The following SH3D21 variants were observed in gnomAD, a reference collection of about 807,000 sequenced individuals.
The protein encoded by SH3D21 is manchette microtubule inner protein 1.
In SH3D21, 83 loss-of-function variants were observed where a neutral mutation model predicts 82.1. The ratio of observed to expected loss-of-function variants is 1.01; its 90% CI spans 0.85 to 1.21. The LOEUF (loss-of-function observed/expected upper bound fraction) is 1.21, where lower values mean the gene tolerates loss of function less well. Ranked by LOEUF, SH3D21 falls within the 50% of genes most tolerant of loss-of-function variation. The pLI, the probability that SH3D21 is intolerant of heterozygous loss-of-function variation, is 0.00. For synonymous variants in SH3D21, 383 were observed against 387.8 expected, an observed-to-expected ratio of 0.99 and a Z score of 0.15; for missense variants, 980 against 962.1, an observed-to-expected ratio of 1.02 and a Z score of -0.25.
At chr1:36,319,644 T>G in intron 13 of SH3D21, 31 bp from the exon 14 acceptor site, 1 of 1,555,430 alleles carries the variant, frequency 6.4e-7, no homozygotes. Flanking sequence ...AGACTCAACC[T>G]CAGCTGAGAC....
chr1:36,308,633 C>T (rs982227231), intron 9 of SH3D21, among the ~76,000 whole-genome samples, 158 bp downstream of exon 9: 1 of 152,086 alleles, frequency 6.6e-6, no homozygotes, highest in Non-Finnish European at 1.5e-5. Context: ...GGTTGAGTAT[C>T]GCTTATCCAA....
chr1:36,308,472 C>A lies in SH3D21; in HGVS notation c.723C>A (p.Pro241=). 1.9e-6 allele frequency: 3 copies of A among 1,551,440 alleles called. No individual in the cohort carries two copies. Among genetic ancestry groups the A allele is most frequent in the Non-Finnish European group, 2.6e-6 (3 of 1,146,846 alleles). The change falls in exon 9 of 16, where the codon CCC becomes CCA. Residue 241 remains proline (P), a synonymous_variant. Coordinates refer to ENST00000453908, the MANE Select transcript of SH3D21 (RefSeq NM_001162530.2). Reference sequence around the variant, plus strand: ...CAGACAACTTTGTACTCCCACCACCCCCAGTGAGTACAGAGCCAAGACACT... The same window carrying A: ...CAGACAACTTTGTACTCCCACCACCACCAGTGAGTACAGAGCCAAGACACT... ...VFPDNFVLPP[P]PIKKLVPRKV...
Position 36,313,689 on chromosome 1 carries a change from C to T in SH3D21, c.769+4099C>T, listed in dbSNP as rs139016027. ...AAGTGATCCTCCCACTTCAGCCTCC[C>T]GAGTAGCTAGGACTATAGGTGTGCA... is the stretch of plus-strand genomic sequence containing the variant. On this transcript the variant is annotated intron_variant, in intron 10 of 15. Coordinates refer to ENST00000453908, the MANE Select transcript of SH3D21 (RefSeq NM_001162530.2). Among the ~76,000 whole-genome samples, 387 of 151,918 alleles carry T rather than the reference C, an allele frequency of 2.5e-3. 2 individuals are homozygous for T. Among genetic ancestry groups the T allele is most frequent in the African/African-American group, 8.6e-3 (358 of 41,416 alleles).
At chr1:36,314,056 G>A (rs549660483) in intron 10 of SH3D21, among the ~76,000 whole-genome samples, 2 of 134,600 alleles carry the variant, frequency 1.5e-5, no homozygotes, top group Admixed American at 1.7e-4. Context: ...CTCACTGCAA[G>A]CTCTGCCTCC....
chr1:36,307,099 T>A lies in SH3D21; in HGVS notation c.227-68T>A. ...AGGGACCAAAGGCTACGTGCGCGCCTTGCGCTTCCCCCAGCTCCTCTGACT... is the reference window on the plus strand; with the variant it reads ...AGGGACCAAAGGCTACGTGCGCGCCATGCGCTTCCCCCAGCTCCTCTGACT... On this transcript the variant is annotated intron_variant, in intron 3 of 15. Coordinates refer to ENST00000453908, the MANE Select transcript of SH3D21 (RefSeq NM_001162530.2). This position sits in a 1 kb window ranked among gnomAD's most constrained non-coding sequence, Gnocchi z 5.4. The A allele has an allele frequency of 6.5e-7, 1 of 1,542,142 alleles. No individual in the cohort carries two copies. The highest frequency in any genetic ancestry group is 8.8e-7 in the Non-Finnish European group (1 of 1,141,620).
intron 13 of SH3D21, 67 bp downstream of exon 13, chr1:36,319,603 A>G (rs1455439845): frequency 1.3e-6 from 2 of 1,550,320 alleles, no homozygotes; most frequent in African/African-American, 2.7e-5. Flanking sequence ...TGTGGTGTGC[A>G]CGGGTGAAGT....
chr1:36,313,957 T>C (rs1390899122), intron 10 of SH3D21, among the ~76,000 whole-genome samples: 1 of 147,960 alleles, frequency 6.8e-6, no homozygotes, highest in Non-Finnish European at 1.5e-5. Context: ...TGGCTAATGA[T>C]GCTGAACATA....
At chr1:36,327,594 G>A, downstream of SH3D21, 1 of 1,071,354 alleles carries the variant, frequency 9.3e-7, no homozygotes, top group Non-Finnish European at 1.2e-6. Context: ...GTTGGTATGT[G>A]ACATATGTGT....
chr1:36,319,397 T>C, intron 12 of SH3D21, 45 bp from the exon 13 acceptor site: 1 of 1,550,762 alleles, frequency 6.4e-7, no homozygotes, highest in Non-Finnish European at 8.7e-7. Flanking sequence ...GGGAAGAGAC[T>C]GAGGGTCAGA....
At chr1:36,324,004 G>C (rs1358293355), downstream of SH3D21, 1 of 152,282 alleles carries the variant, frequency 6.6e-6, no homozygotes, top group Non-Finnish European at 1.5e-5. Context: ...ATTTGAATCT[G>C]CTGCTCTCTG....
chr1:36,309,888 T>C (rs1203311103), intron 10 of SH3D21, among the ~76,000 whole-genome samples: 1 of 152,256 alleles, frequency 6.6e-6, no homozygotes, highest in East Asian at 1.9e-4. Context: ...AGACTGTGTA[T>C]GTTCATGTGT....
intron 10 of SH3D21, among the ~76,000 whole-genome samples, chr1:36,318,863 C>G (rs941387580): frequency 6.6e-6 from 1 of 150,736 alleles, no homozygotes; most frequent in East Asian, 1.9e-4. Flanking sequence ...GAGCCGAGAT[C>G]GCACCACTGG....
chr1:36,306,844 GAT>G lies in SH3D21; in HGVS notation c.166_167del (p.Ile56ProfsTer61). 7.7e-7 allele frequency: 1 copy of G among 1,297,394 alleles called. No individual in the cohort carries two copies. The highest frequency in any genetic ancestry group is 1.0e-6 in the Non-Finnish European group (1 of 990,952). The allele number at this position is 1,297,394 out of a possible 1,614,324, so 80.4% of individuals were successfully genotyped here. A position where few individuals can be genotyped will look rare whatever the true frequency, so the allele number is the denominator to read the frequency against. ...GLFPERLVQE[I>X]PETLRGSGEA... The stretch of plus-strand genomic sequence containing the variant: ...CTTCCCCGTGCCCTGATTCCCAGGA[GAT>G]CCCAGAGACCCTGCGGGGCTCCGGA... On this transcript the variant is annotated frameshift_variant, in exon 3 of 16. Transcript: ENST00000453908. LOFTEE classifies it high-confidence loss of function. The surrounding 1 kb of genome is among the most constrained non-coding windows in gnomAD (Gnocchi z 4.5).
downstream of SH3D21, among the ~76,000 whole-genome samples, chr1:36,326,234 C>CT (rs369308991): frequency 0.018 from 2,608 of 144,368 alleles, 63 homozygotes; most frequent in African/African-American, 0.055. Context: ...TTCTTTCTTT[C>CT]TTTTTTTTTT....
At chr1:36,312,704 CCTTTT>C (rs1357112292) in intron 10 of SH3D21, among the ~76,000 whole-genome samples, 3 of 151,938 alleles carry the variant, frequency 2.0e-5, no homozygotes, top group African/African-American at 7.3e-5. Flanking sequence ...TCTAGTTTTC[CCTTTT>C]CTTCTTTTTA....
In SH3D21 at chr1:36,307,913, A is replaced by C. The variant is rs1646162007; in HGVS notation, c.493-5A>C. 1.3e-6 allele frequency: 2 copies of C among 1,551,590 alleles called. No individual in the cohort carries two copies. Among genetic ancestry groups the C allele is most frequent in the African/African-American group, 2.7e-5 (2 of 73,110 alleles). ...CTAGTTCCTCCCTGCCCCTTCCCCC[A>C]CTAGCTGAGCAGCCTGGCCTATGAC... On this transcript the variant is annotated splice_region_variant and splice_polypyrimidine_tract_variant and intron_variant, in intron 6 of 15. Coordinates refer to ENST00000453908, the MANE Select transcript of SH3D21 (RefSeq NM_001162530.2). The surrounding 1 kb of genome is among the most constrained non-coding windows in gnomAD (Gnocchi z 5.4).
chr1:36,312,820 C>T (rs1341761526), intron 10 of SH3D21, among the ~76,000 whole-genome samples: 1 of 152,146 alleles, frequency 6.6e-6, no homozygotes, highest in Admixed American at 6.5e-5. Context: ...AAGCAATTCT[C>T]CTGCTGCAGC....
chr1:36,310,574 C>T (rs1192434180), intron 10 of SH3D21, among the ~76,000 whole-genome samples: 1 of 150,890 alleles, frequency 6.6e-6, no homozygotes, highest in Non-Finnish European at 1.5e-5. Flanking sequence ...GAGATCATGC[C>T]ACTGTATGCC....
Position 36,307,396 on chromosome 1 carries a change from A to G in SH3D21, c.345+111A>G, listed in dbSNP as rs1424794713. 8 of 1,510,826 alleles carry G rather than the reference A, an allele frequency of 5.3e-6. No homozygotes were observed. The highest frequency in any genetic ancestry group is 6.3e-6 in the Non-Finnish European group (7 of 1,115,886). The allele number at this position is 1,510,826 out of a possible 1,614,324, so 93.6% of individuals were successfully genotyped here. A position where few individuals can be genotyped will look rare whatever the true frequency, so the allele number is the denominator to read the frequency against. ...CGGTGGGAATGGCGACGGTGCAGATACGGGGAAGCGCGGGAGGGAAGGAGG... is the reference window on the plus strand; with the variant it reads ...CGGTGGGAATGGCGACGGTGCAGATGCGGGGAAGCGCGGGAGGGAAGGAGG... On this transcript the variant is annotated intron_variant, in intron 4 of 15. Coordinates refer to ENST00000453908, the MANE Select transcript of SH3D21 (RefSeq NM_001162530.2). The surrounding 1 kb of genome is among the most constrained non-coding windows in gnomAD (Gnocchi z 5.4).
Sources: allele counts gnomAD v4.1 joint callset (sites outside exome capture counted in the v4.1 genomes callset), GRCh38; gene constraint gnomAD v4.1.1; non-coding constraint Gnocchi (gnomAD v3.1); transcripts MANE v1.5; gene names NCBI Gene and HGNC (gene_info 2026-07-23, HGNC 2026-07-21).